CNTN6: variants seen among roughly 807,000 people sequenced by gnomAD.
The protein encoded by CNTN6 is contactin 6, also known as contactin-6.
A neutral mutation model predicts 122.8 loss-of-function variants in CNTN6; 137 were observed. The observed-to-expected ratio is 1.12, with a 90% CI of 0.97 to 1.29. CNTN6 has a LOEUF of 1.29. Ranked by LOEUF, CNTN6 falls within the 50% of genes most tolerant of loss-of-function variation. The pLI is 0.00. For synonymous variants in CNTN6, 570 were observed against 426.0 expected (o/e 1.34, Z -4.16); for missense variants, 1,634 against 1,223.4 (o/e 1.34, Z -5.01).
intron 1 of CNTN6, among the ~76,000 whole-genome samples, chr3:1,110,954 G>C (rs1213691708): frequency 6.6e-6 from 1 of 152,180 alleles, no homozygotes; most frequent in Non-Finnish European, 1.5e-5. Context: ...ATACTTGTCA[G>C]ATGAACCACT....
chr3:1,137,827 G>T (rs1222691352), intron 1 of CNTN6, among the ~76,000 whole-genome samples: 3 of 152,194 alleles, frequency 2.0e-5, no homozygotes, highest in African/African-American at 7.2e-5. Context: ...TTCAAAGCCA[G>T]TGCACTTAAC....
intron 11 of CNTN6, among the ~76,000 whole-genome samples, chr3:1,351,897 C>T (rs537966157): frequency 1.7e-3 from 264 of 151,974 alleles, no homozygotes; most frequent in African/African-American, 5.9e-3. Flanking sequence ...TGACAGACCA[C>T]GTTTAAAAAG....
intron 3 of CNTN6, among the ~76,000 whole-genome samples, chr3:1,221,274 G>T (rs1260338222): frequency 1.1e-4 from 17 of 152,066 alleles, no homozygotes; most frequent in Admixed American, 1.1e-3. Flanking sequence ...GAAAAAAAAA[G>T]ATTTGTTTCC....
intron 11 of CNTN6, among the ~76,000 whole-genome samples, chr3:1,335,774 A>C (rs1286973982): frequency 1.3e-5 from 2 of 152,160 alleles, no homozygotes; most frequent in Non-Finnish European, 2.9e-5. Flanking sequence ...CATGCCTGTA[A>C]TCCCAGCACT....
intron 5 of CNTN6, among the ~76,000 whole-genome samples, chr3:1,282,164 A>G (rs192293324): frequency 2.0e-5 from 3 of 152,304 alleles, no homozygotes; most frequent in East Asian, 3.9e-4. Context: ...GAAACAGAGT[A>G]ATCAACAGAA....
chr3:1,401,448 C>G lies in CNTN6; in HGVS notation c.2720C>G (p.Pro907Arg). 6.2e-7 allele frequency: 1 copy of G among 1,611,772 alleles called. No individual in the cohort carries two copies. Among genetic ancestry groups the G allele is most frequent in the Non-Finnish European group, 8.5e-7 (1 of 1,178,484 alleles). ...TTKKSPPSQP[P>R]ANIAWKLTNS... ...CTCTTTAAAGCTCCAAGCCAACCACCAGCAAACATTGCCTGGAAGCTGACA... is the reference window on the plus strand; with the variant it reads ...CTCTTTAAAGCTCCAAGCCAACCACGAGCAAACATTGCCTGGAAGCTGACA... The change falls in exon 21 of 23, where the codon CCA becomes CGA. Residue 907 changes from proline to arginine, a missense_variant. Coordinates refer to ENST00000446702, the MANE Select transcript of CNTN6 (RefSeq NM_001289080.2).
At chr3:1,382,547 G>C (rs1692059310) in intron 17 of CNTN6, among the ~76,000 whole-genome samples, 1 of 152,130 alleles carries the variant, frequency 6.6e-6, no homozygotes, top group South Asian at 2.1e-4. Flanking sequence ...AAAATGTTGT[G>C]AAAGGAAAAC....
At chr3:1,180,663 G>C (rs1279181170) in intron 2 of CNTN6, among the ~76,000 whole-genome samples, 1 of 152,188 alleles carries the variant, frequency 6.6e-6, no homozygotes. Context: ...TTAAATGCAA[G>C]CTTATTCATT....
chr3:1,222,854 C>G (rs555421348), intron 3 of CNTN6, among the ~76,000 whole-genome samples: 1 of 152,218 alleles, frequency 6.6e-6, no homozygotes, highest in African/African-American at 2.4e-5. Flanking sequence ...TCTCTCTCCT[C>G]CCATCCTCCA....
At position 1,225,200 on chromosome 3, in the gene CNTN6, T is replaced by C. The variant is rs2094264412; in HGVS notation, c.183-2618T>C. On this transcript the variant is annotated intron_variant, in intron 3 of 22. Transcript: ENST00000446702. ...AAGCAATCATTTAAAACACATTTCC[T>C]AGGTTGCATCATAGGAAGACACTTG... is the stretch of plus-strand genomic sequence containing the variant. 1.3e-5 allele frequency among the ~76,000 whole-genome samples: 2 copies of C among 152,342 alleles called. 1 individual carries two copies. The highest frequency in any genetic ancestry group is 6.8e-3 in the Middle Eastern group (2 of 294).
At chr3:1,246,211 CCTT>C (rs1412393566) in intron 4 of CNTN6, among the ~76,000 whole-genome samples, 2 of 152,078 alleles carry the variant, frequency 1.3e-5, no homozygotes, top group African/African-American at 4.8e-5. Context: ...ATGACATCCT[CCTT>C]CTGCCTCAAA....
At chr3:1,252,024 C>T (rs188810167) in intron 4 of CNTN6, among the ~76,000 whole-genome samples, 12 of 152,212 alleles carry the variant, frequency 7.9e-5, no homozygotes, top group East Asian at 1.9e-4. Flanking sequence ...TCCAATGAAA[C>T]GTTAAAACAC....
intron 4 of CNTN6, among the ~76,000 whole-genome samples, chr3:1,265,190 T>A (rs1182502000): frequency 1.3e-5 from 2 of 152,096 alleles, no homozygotes; most frequent in African/African-American, 4.8e-5. Flanking sequence ...CTCTTTGGCA[T>A]ACTGATTTCA....
rs373130047 is a variant in CNTN6, at chr3:1,105,123, C to T, written c.-83+12003C>T. Among the ~76,000 whole-genome samples, 6 of 152,108 alleles carry T rather than the reference C, an allele frequency of 3.9e-5. No homozygotes were observed. In the South Asian group the frequency reaches 6.2e-4, roughly 16 times the overall value. ...AAATTGTCCTTTAGGAAGACAACTC[C>T]CTCTGTACTTGCAGGCAGGTGAGTG... is the stretch of plus-strand genomic sequence containing the variant. On this transcript the variant is annotated intron_variant, in intron 1 of 22. Transcript: ENST00000446702.
At chr3:1,362,918 C>A (rs574117937) in intron 12 of CNTN6, among the ~76,000 whole-genome samples, 1 of 151,592 alleles carries the variant, frequency 6.6e-6, no homozygotes, top group East Asian at 1.9e-4. Context: ...GTCAAAAAAA[C>A]AAGACTAGCA....
At chr3:1,213,068 G>T (rs760836274) in intron 2 of CNTN6, among the ~76,000 whole-genome samples, 1 of 152,136 alleles carries the variant, frequency 6.6e-6, no homozygotes, top group Non-Finnish European at 1.5e-5. Flanking sequence ...GAACAGAAAT[G>T]TGCATCTCAC....
intron 16 of CNTN6, 106 bp downstream of exon 16, chr3:1,374,179 G>A (rs1709534538): frequency 4.2e-6 from 5 of 1,193,746 alleles, no homozygotes; most frequent in Non-Finnish European, 5.7e-6. Context: ...GCTCAAAATT[G>A]TTTGGCAGTA....
intron 11 of CNTN6, among the ~76,000 whole-genome samples, chr3:1,341,526 T>G (rs1036423450): frequency 2.6e-5 from 4 of 152,194 alleles, no homozygotes; most frequent in Non-Finnish European, 5.9e-5. Context: ...AGCAGCACAC[T>G]CTGGCATGCC....
intron 11 of CNTN6, among the ~76,000 whole-genome samples, chr3:1,334,998 C>G (rs979402614): frequency 1.3e-5 from 2 of 152,038 alleles, no homozygotes; most frequent in East Asian, 3.9e-4. Flanking sequence ...AAGTGTTAAG[C>G]CAGATAGCCA....
Sources: allele counts gnomAD v4.1 joint callset (sites outside exome capture counted in the v4.1 genomes callset), GRCh38; gene constraint gnomAD v4.1.1; transcripts MANE v1.5; gene names NCBI Gene and HGNC (gene_info 2026-07-23, HGNC 2026-07-21).